PHC2: variants seen among roughly 807,000 people sequenced by gnomAD.
The protein encoded by PHC2 is polyhomeotic homolog 2, also known as polyhomeotic-like protein 2.
In PHC2, 29 loss-of-function variants were observed where a neutral mutation model predicts 87.4. The ratio of observed to expected loss-of-function variants is 0.33; its 90% CI spans 0.25 to 0.45. The LOEUF is 0.45. Among genes scored for constraint, PHC2 ranks in the 20% least tolerant of loss-of-function variants. The pLI is 1.00. For missense variants in PHC2, 857 were observed against 1,136.7 expected (o/e 0.75, Z 3.54); for synonymous variants, 438 against 461.7 (o/e 0.95, Z 0.66).
chr1:33,354,704 C>G, intron 8 of PHC2, 134 bp downstream of exon 8: 2 of 1,312,974 alleles, frequency 1.5e-6, no homozygotes, highest in East Asian at 2.4e-5. Flanking sequence ...GGAAGGCCCT[C>G]TCTTCCTTCT....
chr1:33,398,706 G>A (rs1419678988), intron 1 of PHC2, among the ~76,000 whole-genome samples: 2 of 152,174 alleles, frequency 1.3e-5, no homozygotes, highest in Non-Finnish European at 2.9e-5. Flanking sequence ...CCTGCTGAAC[G>A]AGGGGCTGCA....
At chr1:33,341,551 T>G (rs1230912086) in intron 9 of PHC2, among the ~76,000 whole-genome samples, 2 of 152,172 alleles carry the variant, frequency 1.3e-5, no homozygotes, top group Non-Finnish European at 2.9e-5. Flanking sequence ...GGATTCAATA[T>G]CTGAAGAAGC....
In PHC2 at chr1:33,371,016, C is replaced by T; in HGVS notation, c.411+1G>A. ...TGCTGCTGCTCCCCCATTCTACTCA[C>T]CGAAGATGACTGGGCCGGGGCCTGC... On this transcript the variant is annotated splice_donor_variant, in intron 4 of 14. Coordinates refer to ENST00000683057, the MANE Select transcript of PHC2 (RefSeq NM_001385109.1). LOFTEE classifies it high-confidence loss of function. The T allele has an allele frequency of 6.2e-7, 1 of 1,613,544 alleles. No homozygotes were observed. The highest frequency in any genetic ancestry group is 8.5e-7 in the Non-Finnish European group (1 of 1,179,466).
At chr1:33,392,808 A>G (rs1404861597) in intron 1 of PHC2, 1 of 152,160 alleles carries the variant, frequency 6.6e-6, no homozygotes, top group Admixed American at 6.5e-5. Context: ...TGTTGGGAAA[A>G]AAAAAAGGAC....
chr1:33,392,489 T>C (rs1649111499), intron 1 of PHC2, among the ~76,000 whole-genome samples: 2 of 152,346 alleles, frequency 1.3e-5, no homozygotes, highest in Admixed American at 1.3e-4. Context: ...TTCACTTCAC[T>C]AGAGTCATTC....
chr1:33,378,629 C>A (rs145782814), intron 1 of PHC2, among the ~76,000 whole-genome samples: 4 of 152,294 alleles, frequency 2.6e-5, no homozygotes, highest in African/African-American at 7.2e-5. Flanking sequence ...GTTAATCATA[C>A]TGAATTGCAC....
chr1:33,385,059 A>G (rs1262244226), intron 1 of PHC2, among the ~76,000 whole-genome samples: 2 of 152,168 alleles, frequency 1.3e-5, no homozygotes, highest in African/African-American at 4.8e-5. Context: ...TACTCTCAAC[A>G]GGGCCTAGGA....
At chr1:33,346,177 C>A (rs1646841421) in intron 9 of PHC2, 2 of 979,914 alleles carry the variant, frequency 2.0e-6, no homozygotes, top group South Asian at 4.8e-5. Flanking sequence ...TCAGAGTAGA[C>A]TGCATAACGC....
intron 1 of PHC2, among the ~76,000 whole-genome samples, chr1:33,394,904 C>A (rs762676252): frequency 6.6e-6 from 1 of 152,156 alleles, no homozygotes; most frequent in Non-Finnish European, 1.5e-5. Flanking sequence ...CCAGGAATAG[C>A]ACAACCACTT....
At chr1:33,427,939 C>T (rs1293304350) in intron 1 of PHC2, among the ~76,000 whole-genome samples, 1 of 152,206 alleles carries the variant, frequency 6.6e-6, no homozygotes, top group African/African-American at 2.4e-5. Context: ...GTCCTTCATC[C>T]TCTATTCTAT....
At chr1:33,407,700 A>T (rs1570511121) in intron 1 of PHC2, among the ~76,000 whole-genome samples, 1 of 152,336 alleles carries the variant, frequency 6.6e-6, no homozygotes. Flanking sequence ...CAGATATTTC[A>T]TTCAGACTAG....
intron 1 of PHC2, among the ~76,000 whole-genome samples, chr1:33,425,251 A>G (rs1022745127): frequency 1.3e-5 from 2 of 152,226 alleles, no homozygotes; most frequent in Non-Finnish European, 2.9e-5. Context: ...TGGAGTAGAT[A>G]AGTTGGCAAG....
At chr1:33,333,307 C>G (rs1406185997) in intron 10 of PHC2, 1 of 152,304 alleles carries the variant, frequency 6.6e-6, no homozygotes, top group African/African-American at 2.4e-5. Context: ...AATCAAACCA[C>G]TCATGGAACC....
At chr1:33,354,169 G>A (rs565088635) in intron 9 of PHC2, among the ~76,000 whole-genome samples, 5 of 152,266 alleles carry the variant, frequency 3.3e-5, no homozygotes, top group Admixed American at 3.3e-4. Flanking sequence ...CCAGTGTCTG[G>A]CTCTAGAACT....
chr1:33,356,293 A>ATT (rs1491149948), intron 7 of PHC2, among the ~76,000 whole-genome samples: 3 of 140,440 alleles, frequency 2.1e-5, no homozygotes, highest in Non-Finnish European at 4.6e-5. Context: ...ATATATATAT[A>ATT]TTTATTTATT....
chr1:33,411,856 G>T (rs1366733132), intron 1 of PHC2, among the ~76,000 whole-genome samples: 1 of 152,052 alleles, frequency 6.6e-6, no homozygotes, highest in Non-Finnish European at 1.5e-5. Flanking sequence ...ATTCGCACCG[G>T]GCCTGATCAT....
At chr1:33,362,382 A>G (rs1647214305) in intron 7 of PHC2, among the ~76,000 whole-genome samples, 1 of 152,094 alleles carries the variant, frequency 6.6e-6, no homozygotes, top group Non-Finnish European at 1.5e-5. Flanking sequence ...GCCTTTCCAG[A>G]GAGGAAGATG....
At chr1:33,373,804 G>A (rs1570496196) in intron 2 of PHC2, among the ~76,000 whole-genome samples, 1 of 152,034 alleles carries the variant, frequency 6.6e-6, no homozygotes, top group Admixed American at 6.5e-5. Flanking sequence ...CTGTCCCGGC[G>A]AGCAAGCCTT....
intron 2 of PHC2, among the ~76,000 whole-genome samples, chr1:33,372,972 T>A (rs1256168988): frequency 6.6e-6 from 1 of 152,222 alleles, no homozygotes; most frequent in Non-Finnish European, 1.5e-5. Context: ...AATGCCTCCT[T>A]CTTGAGGCTG....
Sources: gnomAD v4.1 joint callset for allele counts (sites outside exome capture counted in the v4.1 genomes callset) on GRCh38, gnomAD v4.1.1 for gene constraint, MANE v1.5 for transcripts, NCBI Gene and HGNC (gene_info 2026-07-23, HGNC 2026-07-21) for gene names.